Variants in CIT observed in about 807,000 individuals in gnomAD.
The protein encoded by CIT is citron rho-interacting serine/threonine kinase.
A neutral mutation model predicts 272.7 loss-of-function variants in CIT; 79 were observed. The observed-to-expected ratio is 0.29, with a 90% CI of 0.24 to 0.35. The LOEUF (loss-of-function observed/expected upper bound fraction) is 0.35. Among genes scored for constraint, CIT ranks in the 10% least tolerant of loss-of-function variants. The pLI is 1.00. For synonymous variants in CIT, 948 were observed against 995.6 expected (o/e 0.95, Z 0.90); for missense variants, 1,909 against 2,618.3 (o/e 0.73, Z 5.91).
intron 24 of CIT, among the ~76,000 whole-genome samples, chr12:119,741,191 A>T (rs144389789): frequency 6.6e-6 from 1 of 152,262 alleles, no homozygotes; most frequent in African/African-American, 2.4e-5. Flanking sequence ...TAGGTACAGC[A>T]ACATGGAGGA....
rs1593730168 is a variant in CIT, at chr12:119,783,910, T to C, written c.1543A>G (p.Ser515Gly). 1.3e-6 allele frequency: 2 copies of C among 1,584,152 alleles called. No individual in the cohort carries two copies. Among genetic ancestry groups the C allele is most frequent in the Non-Finnish European group, 1.7e-6 (2 of 1,167,352 alleles). The change falls in exon 12 of 48, where the codon AGT (serine) becomes GGT (glycine). Residue 515 changes from serine to glycine, a missense_variant and splice_region_variant. By Grantham distance (56) the Ser-to-Gly change is moderately conservative. Transcript: ENST00000392521. ...QDLATYITEC[S>G]SLKRSLEQAR... ...AGGGGGCTTCAGGGAAGGCTCACACTGCATTCTGTGATGTAGGTAGCAAGG... is the reference window on the plus strand; with the variant it reads ...AGGGGGCTTCAGGGAAGGCTCACACCGCATTCTGTGATGTAGGTAGCAAGG...
intron 24 of CIT, among the ~76,000 whole-genome samples, chr12:119,740,159 T>C (rs1958988236): frequency 6.6e-6 from 1 of 152,206 alleles, no homozygotes; most frequent in African/African-American, 2.4e-5. Flanking sequence ...AAGGCCCCCA[T>C]AGGCTTCGCC....
In CIT at chr12:119,735,232, T is replaced by C; in HGVS notation, c.3084A>G (p.Gln1028=). Residue 1028 remains glutamine (Q), a synonymous_variant, in exon 25 of 48, where the codon CAA becomes CAG. Transcript: ENST00000392521. ...EASGANDEIV[Q]LRSEVDHLRR... The stretch of plus-strand genomic sequence containing the variant: ...GGAGATGGTCCACTTCACTTCGCAG[T>C]TGTACAATCTCGTCGTTGGCGCCAG... The C allele has an allele frequency of 1.9e-6, 3 of 1,614,166 alleles. No homozygotes were observed. Among genetic ancestry groups the C allele is most frequent in the Admixed American group, 1.7e-5 (1 of 60,020 alleles).
intron 9 of CIT, among the ~76,000 whole-genome samples, chr12:119,813,029 C>T (rs1021127675): frequency 6.6e-6 from 1 of 152,188 alleles, no homozygotes; most frequent in Non-Finnish European, 1.5e-5. Context: ...TCCATCAGGC[C>T]CCCTGTTGTG....
intron 10 of CIT, among the ~76,000 whole-genome samples, chr12:119,793,555 C>A (rs1965493279): frequency 6.6e-6 from 1 of 152,232 alleles, no homozygotes; most frequent in Non-Finnish European, 1.5e-5. Context: ...TACCTAAAGG[C>A]CCTGATGACC....
chr12:119,796,763 C>T (rs1965765654), intron 10 of CIT, among the ~76,000 whole-genome samples: 1 of 152,138 alleles, frequency 6.6e-6, no homozygotes, highest in Admixed American at 6.5e-5. Context: ...ATGGTACGTA[C>T]ATTGCAAGAG....
At position 119,718,129 on chromosome 12, in the gene CIT, C is replaced by A. The variant is rs148109235; in HGVS notation, c.4168+116G>T. On this transcript the variant is annotated intron_variant, in intron 32 of 47. Coordinates refer to ENST00000392521, the MANE Select transcript of CIT (RefSeq NM_001206999.2). The surrounding 1 kb of genome is among the most constrained non-coding windows in gnomAD (Gnocchi z 4.8). ...TGCTGGGGTTACAGGTGTGAGCCACCGTGCCTGGCCAAGACTGACTTTTTA... is the reference window on the plus strand; with the variant it reads ...TGCTGGGGTTACAGGTGTGAGCCACAGTGCCTGGCCAAGACTGACTTTTTA... 5.5e-5 allele frequency: 68 copies of A among 1,241,828 alleles called. No individual in the cohort carries two copies. Among genetic ancestry groups the A allele is most frequent in the Admixed American group, 1.4e-4 (5 of 36,776 alleles). 76.9% of individuals were successfully genotyped at this position (1,241,828 alleles called of 1,614,324 possible).
intron 37 of CIT, among the ~76,000 whole-genome samples, chr12:119,711,678 C>T (rs146132343): frequency 7.6e-4 from 116 of 152,288 alleles, no homozygotes; most frequent in African/African-American, 2.7e-3. Flanking sequence ...CTTTTACAGT[C>T]CATGCCTCGC....
At chr12:119,771,741 G>A (rs1159213980) in intron 17 of CIT, among the ~76,000 whole-genome samples, 3 of 152,186 alleles carry the variant, frequency 2.0e-5, no homozygotes, top group Admixed American at 6.5e-5. Context: ...TCTCAGCCAA[G>A]AGGAAAGGGC....
intron 1 of CIT, 86 bp from the exon 2 acceptor site, chr12:119,876,267 G>T: frequency 1.3e-6 from 1 of 769,262 alleles, no homozygotes. Context: ...AAGATATCAG[G>T]GACAAGGAGG....
At chr12:119,817,634 C>T (rs1384837055) in intron 9 of CIT, among the ~76,000 whole-genome samples, 2 of 152,104 alleles carry the variant, frequency 1.3e-5, no homozygotes, top group Non-Finnish European at 2.9e-5. Flanking sequence ...AAGCAAAAGA[C>T]CGGTTAGGCT....
chr12:119,699,967 C>G, intron 44 of CIT: 1 of 452,820 alleles, frequency 2.2e-6, no homozygotes, highest in Non-Finnish European at 4.5e-6. Flanking sequence ...CTTTTAGGAG[C>G]TTATAATCAG....
intron 24 of CIT, among the ~76,000 whole-genome samples, chr12:119,741,459 A>G (rs891787069): frequency 5.3e-5 from 8 of 152,242 alleles, no homozygotes; most frequent in African/African-American, 1.9e-4. Flanking sequence ...ATTGAGCTGT[A>G]TACTTAAAAT....
At position 119,784,126 on chromosome 12, in the gene CIT, C is replaced by T. The variant is rs573821732; in HGVS notation, c.1402-75G>A. On this transcript the variant is annotated intron_variant, in intron 11 of 47. Transcript: ENST00000392521. This position sits in a 1 kb window ranked among gnomAD's most constrained non-coding sequence, Gnocchi z 4.7. ...GAGCAATCACATCTCAAGTAGCCTC[C>T]GAAACCACCTGGTGGTCTGGGCTAA... 11 of 1,612,946 alleles carry T rather than the reference C, an allele frequency of 6.8e-6. No individual in the cohort carries two copies. The highest frequency in any genetic ancestry group is 6.7e-5 in the African/African-American group (5 of 75,018).
intron 28 of CIT, among the ~76,000 whole-genome samples, chr12:119,722,617 C>T (rs1049267194): frequency 6.6e-6 from 1 of 152,164 alleles, no homozygotes; most frequent in African/African-American, 2.4e-5. Context: ...TGGTTTAAAT[C>T]CTGACTTTTA....
At position 119,688,078 on chromosome 12, in the gene CIT, A is replaced by T; in HGVS notation, c.*154T>A. 1 of 781,556 alleles carries T rather than the reference A, an allele frequency of 1.3e-6. No homozygotes were observed. Among genetic ancestry groups the T allele is most frequent in the Non-Finnish European group, 2.2e-6 (1 of 453,346 alleles). The allele number at this position is 781,556 out of a possible 1,614,324, so 48.4% of individuals were successfully genotyped here. ...AGCCTCAGCCACCTGCCCCTCCTGG[A>T]GACAGGGGTGTCCGTGCCGAGGTGG... On this transcript the variant is annotated 3_prime_UTR_variant, in exon 48 of 48. Transcript: ENST00000392521.
At chr12:119,859,168 A>G (rs1401446416) in intron 3 of CIT, among the ~76,000 whole-genome samples, 1 of 152,220 alleles carries the variant, frequency 6.6e-6, no homozygotes, top group Admixed American at 6.5e-5. Context: ...TGCACGTTAC[A>G]AGGGAACAGC....
At chr12:119,794,095 C>G (rs976988743) in intron 10 of CIT, among the ~76,000 whole-genome samples, 2 of 152,156 alleles carry the variant, frequency 1.3e-5, no homozygotes, top group Admixed American at 6.5e-5. Context: ...AAAGTGGCCA[C>G]CCCCAGGCAG....
intron 24 of CIT, among the ~76,000 whole-genome samples, chr12:119,736,567 T>C (rs976052616): frequency 1.3e-5 from 2 of 152,250 alleles, no homozygotes; most frequent in African/African-American, 2.4e-5. Flanking sequence ...TTAATTCCTA[T>C]GTACGATTTT....
Sources: allele counts gnomAD v4.1 joint callset (sites outside exome capture counted in the v4.1 genomes callset), GRCh38; gene constraint gnomAD v4.1.1; non-coding constraint Gnocchi (gnomAD v3.1); transcripts MANE v1.5; gene names NCBI Gene and HGNC (gene_info 2026-07-23, HGNC 2026-07-21).